LRRC4C: variants seen among roughly 807,000 people sequenced by gnomAD.
The protein encoded by LRRC4C is leucine-rich repeat-containing protein 4C.
In LRRC4C, 5 loss-of-function variants were observed where a neutral mutation model predicts 33.6. That is an observed-to-expected ratio of 0.15 (90% CI 0.08 to 0.31). The LOEUF (loss-of-function observed/expected upper bound fraction) is 0.31, where lower values mean the gene tolerates loss of function less well. Ranked by LOEUF, LRRC4C falls within the 10% of genes least tolerant of loss-of-function variation. The probability of loss-of-function intolerance (pLI) is 1.00; values close to 1 mark genes in which losing one functional copy is unlikely to be tolerated. For synonymous variants in LRRC4C, 329 were observed against 302.0 expected (o/e 1.09, Z -0.93); for missense variants, 560 against 796.7 (o/e 0.70, Z 3.58).
chr11:41,091,905 G>T (rs1940446951), intron 1 of LRRC4C, among the ~76,000 whole-genome samples: 1 of 152,034 alleles, frequency 6.6e-6, no homozygotes, highest in Non-Finnish European at 1.5e-5. Flanking sequence ...TTGGAAAATA[G>T]AATTTGAGGA....
intron 3 of LRRC4C, among the ~76,000 whole-genome samples, chr11:40,644,642 T>G (rs1364602234): frequency 2.6e-5 from 4 of 152,126 alleles, no homozygotes. Context: ...TTATACTGAG[T>G]GAAAACAGCC....
intron 1 of LRRC4C, among the ~76,000 whole-genome samples, chr11:40,975,867 G>C (rs1443324339): frequency 6.6e-6 from 1 of 152,136 alleles, no homozygotes; most frequent in African/African-American, 2.4e-5. Flanking sequence ...TTCAATACTT[G>C]CTGATCTGAA....
intron 2 of LRRC4C, among the ~76,000 whole-genome samples, chr11:40,916,263 C>T (rs1320136531): frequency 6.6e-6 from 1 of 152,122 alleles, no homozygotes; most frequent in Non-Finnish European, 1.5e-5. Context: ...TTTATTGTGG[C>T]ACTATTCACA....
At chr11:41,170,990 A>G (rs1016971831) in intron 1 of LRRC4C, among the ~76,000 whole-genome samples, 38 of 152,016 alleles carry the variant, frequency 2.5e-4, no homozygotes, top group Non-Finnish European at 4.4e-4. Context: ...GCAGCCAAAA[A>G]ACACATGAAA....
intron 3 of LRRC4C, among the ~76,000 whole-genome samples, chr11:40,457,176 CAAAG>C (rs1181470662): frequency 1.4e-5 from 2 of 147,794 alleles, no homozygotes; most frequent in African/African-American, 2.5e-5. Flanking sequence ...AAAAGAATCT[CAAAG>C]AACACAATCA....
chr11:41,093,042 TTA>T (rs1940542574), intron 1 of LRRC4C, among the ~76,000 whole-genome samples: 2 of 152,330 alleles, frequency 1.3e-5, no homozygotes, highest in African/African-American at 4.8e-5. Flanking sequence ...AGTAACGGTA[TTA>T]TGTTTCTTCG....
Position 40,114,945 on chromosome 11 carries a change from G to T in LRRC4C, c.1348C>A (p.Pro450Thr). 3 of 1,614,184 alleles carry T rather than the reference G, an allele frequency of 1.9e-6. No homozygotes were observed. The highest frequency in any genetic ancestry group is 2.5e-6 in the Non-Finnish European group (3 of 1,180,028). The change falls in exon 7 of 7, where the codon CCT (proline) becomes ACT (threonine). Residue 450 changes from proline to threonine, a missense_variant. Pro to Thr is a conservative substitution (Grantham distance 38). This residue lies in a region of LRRC4C where 455 missense variants were observed against 643.8 expected (regional missense o/e 0.71). Transcript: ENST00000528697. ...TLNVTAATTT[P>T]FSYFSTVTVE... ...GTGACGGTTGAAAAGTAAGAGAAAG[G>T]AGTAGTGGTTGCTGCAGTAACATTC...
chr11:41,231,949 C>A (rs1280544950), intron 1 of LRRC4C, among the ~76,000 whole-genome samples: 2 of 151,748 alleles, frequency 1.3e-5, no homozygotes, highest in African/African-American at 4.8e-5. Flanking sequence ...AAAACTGATT[C>A]TCGGTAATTG....
chr11:41,304,474 G>C (rs1431829948), intron 1 of LRRC4C, among the ~76,000 whole-genome samples: 2 of 97,516 alleles, frequency 2.1e-5, no homozygotes, highest in East Asian at 7.3e-4. Context: ...CCCCTACTGG[G>C]AAGTGAGGAG....
intron 3 of LRRC4C, among the ~76,000 whole-genome samples, chr11:40,372,111 A>C (rs1948476143): frequency 6.6e-6 from 1 of 152,228 alleles, no homozygotes; most frequent in Non-Finnish European, 1.5e-5. Flanking sequence ...CTAAGTAAAA[A>C]TATCTGTGAC....
At chr11:40,865,346 CAGTT>C (rs1398198699) in intron 2 of LRRC4C, among the ~76,000 whole-genome samples, 4 of 152,040 alleles carry the variant, frequency 2.6e-5, no homozygotes, top group Non-Finnish European at 4.4e-5. Flanking sequence ...TACAAAATTA[CAGTT>C]AGATAGGAGG....
chr11:41,284,598 G>A (rs10837617), intron 1 of LRRC4C, among the ~76,000 whole-genome samples: 35,937 of 151,870 alleles, frequency 0.24, 5,027 homozygotes, highest in African/African-American at 0.39. Flanking sequence ...CAGCCTCTCC[G>A]CTCCAGGCAC....
intron 4 of LRRC4C, among the ~76,000 whole-genome samples, chr11:40,266,306 AAAAAAAATT>A (rs559492297): frequency 2.6e-5 from 4 of 151,758 alleles, no homozygotes; most frequent in African/African-American, 7.3e-5. Context: ...CTCAAAAAAT[AAAAAAAATT>A]AAAATAAATA....
At chr11:41,259,488 A>G (rs1023869156) in intron 1 of LRRC4C, among the ~76,000 whole-genome samples, 1 of 152,074 alleles carries the variant, frequency 6.6e-6, no homozygotes, top group Non-Finnish European at 1.5e-5. Flanking sequence ...TTTAAGGAAT[A>G]CAAGTATTCC....
Position 41,008,292 on chromosome 11 carries a change from C to T in LRRC4C, c.-495-74569G>A, listed in dbSNP as rs145711279. Reference sequence around the variant, plus strand: ...AAAATCCTCTAACATTGTTCCATTACATTTAGAACCACCCTAACTCTTTAA... The same window carrying T: ...AAAATCCTCTAACATTGTTCCATTATATTTAGAACCACCCTAACTCTTTAA... On this transcript the variant is annotated intron_variant, in intron 1 of 6. Transcript: ENST00000528697. Among the ~76,000 whole-genome samples the T allele has an allele frequency of 2.3e-4, 35 of 152,210 alleles. No homozygotes were observed. In the East Asian group the frequency reaches 6.4e-3, roughly 28 times the overall value.
intron 1 of LRRC4C, among the ~76,000 whole-genome samples, chr11:41,359,406 G>T (rs917119291): frequency 6.6e-6 from 1 of 151,954 alleles, no homozygotes. Context: ...TACTCGAGGG[G>T]GATGTGGATA....
rs934016383 is a variant in LRRC4C at position 41,397,834 on chromosome 11, T to C, written c.-496+61597A>G. Among the ~76,000 whole-genome samples the C allele has an allele frequency of 2.0e-5, 3 of 151,944 alleles. No homozygotes were observed. In the South Asian group the frequency reaches 6.2e-4, roughly 31 times the overall value. ...AGGTAGTGATATGTTCATGGCAAGGTAGAGATCCAAACCAGTAGAGAAGAT... is the reference window on the plus strand; with the variant it reads ...AGGTAGTGATATGTTCATGGCAAGGCAGAGATCCAAACCAGTAGAGAAGAT... On this transcript the variant is annotated intron_variant, in intron 1 of 6. Transcript: ENST00000528697.
At chr11:40,213,980 A>G (rs1820319006) in intron 5 of LRRC4C, among the ~76,000 whole-genome samples, 1 of 152,182 alleles carries the variant, frequency 6.6e-6, no homozygotes, top group South Asian at 2.1e-4. Flanking sequence ...TCACACAGCT[A>G]GAAAATGGCA....
At chr11:40,124,399 C>T (rs1354637682) in intron 6 of LRRC4C, among the ~76,000 whole-genome samples, 1 of 152,144 alleles carries the variant, frequency 6.6e-6, no homozygotes, top group Non-Finnish European at 1.5e-5. Flanking sequence ...GATTTGGAAG[C>T]AACCTAAGTG....
Sources: allele counts gnomAD v4.1 joint callset (sites outside exome capture counted in the v4.1 genomes callset), GRCh38; gene constraint gnomAD v4.1.1; regional missense constraint gnomAD v4.1.1; transcripts MANE v1.5; gene names NCBI Gene and HGNC (gene_info 2026-07-23, HGNC 2026-07-21).